The following PCLO variants were observed in gnomAD, a reference collection of about 807,000 sequenced individuals.
PCLO encodes piccolo presynaptic cytomatrix protein.
In PCLO, 82 loss-of-function variants were observed where a neutral mutation model predicts 427.5. That is an observed-to-expected ratio of 0.19 (90% CI 0.16 to 0.23). The LOEUF (loss-of-function observed/expected upper bound fraction) is 0.23. Among genes scored for constraint, PCLO ranks in the 10% least tolerant of loss-of-function variants. PCLO has a pLI of 1.00. For synonymous variants in PCLO, 2,357 were observed against 2,155.4 expected, an observed-to-expected ratio of 1.09 and a Z score of -2.59; for missense variants, 6,239 against 6,115.9, an observed-to-expected ratio of 1.02 and a Z score of -0.67.
chr7:83,009,771 T>C (rs2115981610), intron 3 of PCLO, among the ~76,000 whole-genome samples: 1 of 152,038 alleles, frequency 6.6e-6, no homozygotes, highest in South Asian at 2.1e-4. Flanking sequence ...AAAAGACAAA[T>C]GTTATTGGGT....
intron 6 of PCLO, among the ~76,000 whole-genome samples, chr7:82,939,881 C>T (rs1175725510): frequency 6.6e-6 from 1 of 151,692 alleles, no homozygotes; most frequent in Non-Finnish European, 1.5e-5. Flanking sequence ...TTCATACAAA[C>T]TGCAGAAATA....
At chr7:82,797,588 A>T (rs1013114756) in intron 22 of PCLO, among the ~76,000 whole-genome samples, 1 of 152,176 alleles carries the variant, frequency 6.6e-6, no homozygotes, top group African/African-American at 2.4e-5. Flanking sequence ...GATCAAAATG[A>T]CTCTCACATA....
intron 3 of PCLO, among the ~76,000 whole-genome samples, chr7:83,028,109 C>A (rs1191574281): frequency 6.6e-6 from 1 of 151,822 alleles, no homozygotes; most frequent in Admixed American, 6.6e-5. Flanking sequence ...CTGGCCAGGG[C>A]AATTTGGCAG....
At chr7:83,127,217 G>A (rs890358139) in intron 3 of PCLO, among the ~76,000 whole-genome samples, 1 of 151,936 alleles carries the variant, frequency 6.6e-6, no homozygotes, top group Non-Finnish European at 1.5e-5. Flanking sequence ...AATGAGGTAA[G>A]TCGGTGAGTG....
chr7:83,137,334 A>G (rs950348156), intron 2 of PCLO, among the ~76,000 whole-genome samples: 4 of 152,232 alleles, frequency 2.6e-5, no homozygotes, highest in African/African-American at 9.6e-5. Flanking sequence ...TTTCAGTTTG[A>G]ACTGAAACGT....
At chr7:82,893,242 C>G (rs1584111400) in intron 9 of PCLO, among the ~76,000 whole-genome samples, 1 of 151,518 alleles carries the variant, frequency 6.6e-6, no homozygotes, top group African/African-American at 2.4e-5. Flanking sequence ...ACTATGCAGC[C>G]ATAAAAAATG....
At chr7:83,037,989 T>TTATATA (rs1161030427) in intron 3 of PCLO, among the ~76,000 whole-genome samples, 580 of 13,512 alleles carry the variant, frequency 0.043, 27 homozygotes, top group Middle Eastern at 0.071. Flanking sequence ...AAGGAGGAGC[T>TTATATA]TATATATATA....
In PCLO at chr7:82,953,370, T is replaced by G. The variant is rs1214461282; in HGVS notation, c.7583A>C (p.Asp2528Ala). Residue 2528 changes from aspartate (D) to alanine (A), a missense_variant, in exon 5 of 25, where the codon GAT (aspartate) becomes GCT (alanine). Coordinates refer to ENST00000333891, the MANE Select transcript of PCLO (RefSeq NM_033026.6). The part of the protein sequence containing the change: ...QLPTTTQKPT[D>A]IHPKPTGLSL... ...TAGGCCTGTTGGTTTGGGGTGTATA[T>G]CTGTTGGTTTTTGTGTAGTTGTTGG... 6.2e-7 allele frequency: 1 copy of G among 1,613,582 alleles called. No homozygotes were observed. The highest frequency in any genetic ancestry group is 8.5e-7 in the Non-Finnish European group (1 of 1,179,830).
Position 82,846,598 on chromosome 7 carries a change from C to T in PCLO, c.13800G>A (p.Gln4600=). 1 of 1,608,724 alleles carries T rather than the reference C, an allele frequency of 6.2e-7. No individual in the cohort carries two copies. The highest frequency in any genetic ancestry group is 8.5e-7 in the Non-Finnish European group (1 of 1,177,172). ...LNMLSDSENS[Q]HLELHEPPKA... is the part of the protein sequence containing the mutation. ...TTGGTGGCTCATGAAGTTCCAGATG[C>T]TGGGAATTTTCAGAATCTGATAGCA... The change falls in exon 12 of 25, where the codon CAG becomes CAA. Residue 4600 remains glutamine, a synonymous_variant. Coordinates refer to ENST00000333891, the MANE Select transcript of PCLO (RefSeq NM_033026.6).
rs1336155913 is a variant in PCLO at position 82,755,749 on chromosome 7, C to T, written c.*2826G>A. Reference sequence around the variant, plus strand: ...CAAAAAAGTAAAAAACACCAAGAGCCCTATTTGCAATAAAAAAGAAACAGT... The same window carrying T: ...CAAAAAAGTAAAAAACACCAAGAGCTCTATTTGCAATAAAAAAGAAACAGT... On this transcript the variant is annotated 3_prime_UTR_variant, in exon 25 of 25. Transcript: ENST00000333891. The T allele has an allele frequency of 6.6e-6, 1 of 151,894 alleles. No individual in the cohort carries two copies. The highest frequency in any genetic ancestry group is 2.4e-5 in the African/African-American group (1 of 41,320). The allele number at this position is 151,894 out of a possible 1,614,324, so 9.4% of individuals were successfully genotyped here. A position where few individuals can be genotyped will look rare whatever the true frequency, so the allele number is the denominator to read the frequency against.
intron 22 of PCLO, among the ~76,000 whole-genome samples, chr7:82,763,102 A>G (rs1238475519): frequency 6.6e-6 from 1 of 152,086 alleles, no homozygotes; most frequent in Admixed American, 6.6e-5. Context: ...AGTCACATGA[A>G]TATTAGAAAG....
At chr7:82,948,147 G>C (rs1008298822) in intron 6 of PCLO, among the ~76,000 whole-genome samples, 7 of 151,838 alleles carry the variant, frequency 4.6e-5, no homozygotes, top group African/African-American at 1.7e-4. Context: ...TATATTAATA[G>C]ATTAAATTCT....
At chr7:82,965,735 C>T (rs1436838514) in intron 4 of PCLO, 36 bp downstream of exon 4, 1 of 1,415,108 alleles carries the variant, frequency 7.1e-7, no homozygotes, top group African/African-American at 1.4e-5. Context: ...TAATTTCACA[C>T]ATGAGAGTGT....
intron 3 of PCLO, among the ~76,000 whole-genome samples, chr7:83,122,937 A>C (rs979508490): frequency 6.6e-6 from 1 of 152,162 alleles, no homozygotes; most frequent in Non-Finnish European, 1.5e-5. Flanking sequence ...AGGAAGTGAA[A>C]GTTCTCTACA....
intron 3 of PCLO, among the ~76,000 whole-genome samples, chr7:82,982,008 C>G (rs1313647070): frequency 6.6e-6 from 1 of 152,088 alleles, no homozygotes; most frequent in Admixed American, 6.6e-5. Context: ...AGTAAGCAAG[C>G]CATGAGAATG....
Position 82,916,546 on chromosome 7 carries a change from T to G in PCLO, c.11440A>C (p.Lys3814Gln). ...GINRRKEALL[K>Q]EREKRERAYL... is the part of the protein sequence containing the mutation. ...GCTCGTTCTCTCTTTTCTCTCTCCT[T>G]TAATAGGGCCTCTTTCCTCCTGTTA... The change falls in exon 7 of 25, where the codon AAG becomes CAG. Residue 3814 changes from lysine to glutamine, a missense_variant. Around this residue, in one of 5 missense-constraint regions of PCLO, gnomAD observed 680 missense variants for 677.3 expected, o/e 1.00. Transcript: ENST00000333891. 1 of 1,613,702 alleles carries G rather than the reference T, an allele frequency of 6.2e-7. No homozygotes were observed. The highest frequency in any genetic ancestry group is 8.5e-7 in the Non-Finnish European group (1 of 1,179,746).
At chr7:82,780,671 G>GCCTCA (rs1790854424) in intron 22 of PCLO, among the ~76,000 whole-genome samples, 1 of 152,028 alleles carries the variant, frequency 6.6e-6, no homozygotes, top group Non-Finnish European at 1.5e-5. Flanking sequence ...CCTCAGCCTC[G>GCCTCA]CGAGTGGCTT....
At chr7:82,848,304 GTT>G (rs71522632) in intron 10 of PCLO, among the ~76,000 whole-genome samples, 5,263 of 83,746 alleles carry the variant, frequency 0.063, 163 homozygotes, top group East Asian at 0.16. Flanking sequence ...CCATTAGTTA[GTT>G]TTTTTTTTTT....
intron 9 of PCLO, among the ~76,000 whole-genome samples, chr7:82,902,107 C>T (rs1233669018): frequency 2.6e-5 from 4 of 151,954 alleles, no homozygotes; most frequent in African/African-American, 7.2e-5. Flanking sequence ...AATCATGCTG[C>T]TATAAAGACA....
Sources: gnomAD v4.1 joint callset for allele counts (sites outside exome capture counted in the v4.1 genomes callset) on GRCh38, gnomAD v4.1.1 for gene constraint, gnomAD v4.1.1 regional missense constraint, MANE v1.5 for transcripts, NCBI Gene and HGNC (gene_info 2026-07-23, HGNC 2026-07-21) for gene names.